Variants in FBXL13 observed in about 807,000 individuals in gnomAD.
The protein encoded by FBXL13 is F-box and leucine rich repeat protein 13.
Under a neutral mutation model 83.6 loss-of-function variants are expected in FBXL13, and 67 were observed. The ratio of observed to expected loss-of-function variants is 0.80; its 90% CI spans 0.66 to 0.98. The LOEUF (loss-of-function observed/expected upper bound fraction) is 0.98. Ranked by LOEUF, FBXL13 falls within the 50% of genes least tolerant of loss-of-function variation. The probability of loss-of-function intolerance (pLI) is 0.00; values close to 1 mark genes in which losing one functional copy is unlikely to be tolerated. For missense variants in FBXL13, 822 were observed against 866.5 expected, an observed-to-expected ratio of 0.95 and a Z score of 0.64; for synonymous variants, 272 against 299.5, an observed-to-expected ratio of 0.91 and a Z score of 0.95.
chr7:103,046,130 T>A (rs972997011), intron 2 of FBXL13, among the ~76,000 whole-genome samples: 1 of 152,212 alleles, frequency 6.6e-6, no homozygotes, highest in Non-Finnish European at 1.5e-5. Flanking sequence ...AAGAATGAGC[T>A]GGATAAAGAG....
intron 16 of FBXL13, among the ~76,000 whole-genome samples, chr7:102,855,859 C>T (rs3779029): frequency 0.19 from 28,884 of 148,870 alleles, 3,027 homozygotes; most frequent in East Asian, 0.43. Flanking sequence ...TTTTGTTTTG[C>T]TTTGCTTTAA....
intron 16 of FBXL13, among the ~76,000 whole-genome samples, chr7:102,870,064 C>A (rs958936678): frequency 2.0e-5 from 3 of 152,268 alleles, no homozygotes; most frequent in Admixed American, 1.3e-4. Flanking sequence ...AACTAGATAG[C>A]CTTATAACAC....
Position 102,963,024 on chromosome 7 carries a change from T to G in FBXL13, c.724+509A>C, listed in dbSNP as rs534961693. Among the ~76,000 whole-genome samples the G allele has an allele frequency of 2.0e-4, 29 of 142,500 alleles. No individual in the cohort carries two copies. In the East Asian group the frequency reaches 5.9e-3, roughly 29 times the overall value. 93.5% of individuals were successfully genotyped at this position (142,500 alleles called of 152,430 possible). A position where few individuals can be genotyped will look rare whatever the true frequency, so the allele number is the denominator to read the frequency against. On this transcript the variant is annotated intron_variant, in intron 8 of 19. Coordinates refer to ENST00000313221, the Ensembl canonical transcript of FBXL13. ...ATATATATAAAAAAAAAAAAAAGAATAGACCAAGAACCAGCCGGGCACAGT... is the reference window on the plus strand; with the variant it reads ...ATATATATAAAAAAAAAAAAAAGAAGAGACCAAGAACCAGCCGGGCACAGT...
intron 2 of FBXL13, among the ~76,000 whole-genome samples, chr7:103,042,012 T>C (rs1437536170): frequency 6.6e-6 from 1 of 152,138 alleles, no homozygotes; most frequent in Non-Finnish European, 1.5e-5. Context: ...GGGTATTCAA[T>C]TAGGAAAAGA....
intron 9 of FBXL13, among the ~76,000 whole-genome samples, chr7:102,927,653 G>T (rs903571659): frequency 6.6e-6 from 1 of 152,134 alleles, no homozygotes; most frequent in Non-Finnish European, 1.5e-5. Flanking sequence ...TTCTGCTATA[G>T]GGAAGGTTCT....
At chr7:102,856,399 T>C (rs1373964966) in intron 16 of FBXL13, among the ~76,000 whole-genome samples, 4 of 152,244 alleles carry the variant, frequency 2.6e-5, no homozygotes, top group African/African-American at 9.6e-5. Flanking sequence ...AATAGCTAAG[T>C]ATGTTTTAGT....
intron 8 of FBXL13, among the ~76,000 whole-genome samples, chr7:102,953,081 A>C (rs1409985496): frequency 6.6e-6 from 1 of 152,200 alleles, no homozygotes; most frequent in Non-Finnish European, 1.5e-5. Context: ...TTTAATCCTC[A>C]AACTTTAAAC....
rs574520975 is a variant in FBXL13 at position 102,894,341 on chromosome 7, G to A, written c.1009-10029C>T. Reference sequence around the variant, plus strand: ...CAAGAACTGATAAGCCATTATTACTGCATTGAGTATTATAATCATTTGAAC... The same window carrying A: ...CAAGAACTGATAAGCCATTATTACTACATTGAGTATTATAATCATTTGAAC... On this transcript the variant is annotated intron_variant, in intron 11 of 19. Coordinates refer to ENST00000313221, the Ensembl canonical transcript of FBXL13. Among the ~76,000 whole-genome samples, 12 of 152,280 alleles carry A rather than the reference G, an allele frequency of 7.9e-5. No individual in the cohort carries two copies. In the South Asian group the frequency reaches 2.5e-3, roughly 32 times the overall value.
chr7:102,995,690 G>A (rs1789696924), intron 6 of FBXL13, among the ~76,000 whole-genome samples: 1 of 151,614 alleles, frequency 6.6e-6, no homozygotes, highest in Admixed American at 6.6e-5. Context: ...GGGAGTCTGA[G>A]GCAGGAGAAT....
intron 10 of FBXL13, among the ~76,000 whole-genome samples, chr7:102,921,040 T>C (rs1816885392): frequency 6.6e-6 from 1 of 151,940 alleles, no homozygotes; most frequent in Admixed American, 6.6e-5. Context: ...TAATCCCAGC[T>C]ACTCGGGAGG....
intron 8 of FBXL13, among the ~76,000 whole-genome samples, chr7:102,949,752 A>G (rs1823122099): frequency 1.3e-5 from 2 of 152,216 alleles, no homozygotes; most frequent in Non-Finnish European, 2.9e-5. Context: ...AAATGTTTAC[A>G]GGCTATCTTG....
chr7:103,061,487 C>T lies in FBXL13; in HGVS notation c.-104-5740G>A, dbSNP rs749838577. Among the ~76,000 whole-genome samples, 5 of 152,154 alleles carry T rather than the reference C, an allele frequency of 3.3e-5. 1 individual carries two copies. The highest frequency in any genetic ancestry group is 7.4e-5 in the Non-Finnish European group (5 of 68,016). On this transcript the variant is annotated intron_variant, in intron 1 of 19. Transcript: ENST00000313221. ...AGGGAATTCAGCAAAGGTAACTGTC[C>T]TCTGGAGAAGCCACAGCCTTCCTGC...
intron 6 of FBXL13, among the ~76,000 whole-genome samples, chr7:102,972,021 A>G (rs1826744472): frequency 1.3e-5 from 2 of 148,364 alleles, no homozygotes; most frequent in South Asian, 2.1e-4. Context: ...GTGAGAGTCC[A>G]TCTCAAAAAA....
At chr7:102,916,140 C>G (rs375002554) in intron 10 of FBXL13, among the ~76,000 whole-genome samples, 1 of 152,050 alleles carries the variant, frequency 6.6e-6, no homozygotes, top group Non-Finnish European at 1.5e-5. Flanking sequence ...CCCACCACGA[C>G]GCCTGGCTAA....
intron 8 of FBXL13, among the ~76,000 whole-genome samples, chr7:102,936,930 T>C (rs1321575158): frequency 6.6e-6 from 1 of 152,204 alleles, no homozygotes; most frequent in Non-Finnish European, 1.5e-5. Context: ...TTTCCTTTTT[T>C]CCCATATTTT....
At chr7:102,968,101 C>T in exon 7 of FBXL13, 2 of 1,612,456 alleles carry the variant, frequency 1.2e-6, no homozygotes, top group Non-Finnish European at 1.7e-6. Context: ...ATCTTTTAAA[C>T]TGAGGTAGAA....
At chr7:103,038,447 T>G (rs369109676) in intron 2 of FBXL13, among the ~76,000 whole-genome samples, 7 of 152,246 alleles carry the variant, frequency 4.6e-5, no homozygotes, top group African/African-American at 1.7e-4. Flanking sequence ...CTGACAGCTC[T>G]GAAGAGAGCA....
intron 18 of FBXL13, among the ~76,000 whole-genome samples, chr7:102,826,392 C>CT (rs1158399601): frequency 6.6e-6 from 1 of 151,924 alleles, no homozygotes; most frequent in Non-Finnish European, 1.5e-5. Flanking sequence ...TTTGCCCTAG[C>CT]TTTTTTTAAA....
intron 8 of FBXL13, among the ~76,000 whole-genome samples, chr7:102,963,190 G>A (rs1297756535): frequency 6.6e-5 from 10 of 151,108 alleles, no homozygotes. Flanking sequence ...GCATGGTGGC[G>A]CATGCCTGTA....
Sources: allele counts gnomAD v4.1 joint callset (sites outside exome capture counted in the v4.1 genomes callset), GRCh38; gene constraint gnomAD v4.1.1; transcripts MANE v1.5; gene names NCBI Gene and HGNC (gene_info 2026-07-23, HGNC 2026-07-21).